Variants in HS3ST3A1 observed in about 807,000 individuals in gnomAD.
The protein encoded by HS3ST3A1 is heparan sulfate glucosamine 3-O-sulfotransferase 3A1.
In HS3ST3A1, 19 loss-of-function variants were observed where a neutral mutation model predicts 25.7. The ratio of observed to expected loss-of-function variants is 0.74; its 90% CI spans 0.52 to 1.08. The LOEUF (loss-of-function observed/expected upper bound fraction) is 1.08, where lower values mean the gene tolerates loss of function less well. Among genes scored for constraint, HS3ST3A1 ranks in the 50% least tolerant of loss-of-function variants. The probability of loss-of-function intolerance (pLI) is 0.00; values close to 1 mark genes in which losing one functional copy is unlikely to be tolerated. For synonymous variants in HS3ST3A1, 226 were observed against 278.6 expected, an observed-to-expected ratio of 0.81 and a Z score of 1.88; for missense variants, 459 against 594.3, an observed-to-expected ratio of 0.77 and a Z score of 2.37.
At position 13,535,793 on chromosome 17, in the gene HS3ST3A1, T is replaced by C. The variant is rs73978650; in HGVS notation, c.600-38975A>G. 3.7e-3 allele frequency among the ~76,000 whole-genome samples: 571 copies of C among 152,318 alleles called. 6 individuals carry two copies. Among genetic ancestry groups the C allele is most frequent in the African/African-American group, 0.013 (543 of 41,578 alleles). On this transcript the variant is annotated intron_variant, in intron 1 of 1. Coordinates refer to ENST00000284110, the MANE Select transcript of HS3ST3A1 (RefSeq NM_006042.3). ...AATATGTATAAGTCAGAAACACACC[T>C]GTTCATTGCAAAATGGCAAGTTGGT... is the stretch of plus-strand genomic sequence containing the variant.
Position 13,600,849 on chromosome 17 carries a change from G to A in HS3ST3A1, c.281C>T (p.Pro94Leu), listed in dbSNP as rs2142403642. ...GGGCGGCCGGCGCCTCCGCCACTGC[G>A]GCAGTTGCAGGAGGCGCTTTCTCTG... is the stretch of plus-strand genomic sequence containing the variant. ...AAQRKRLLQLPQWRRRRPPAP... is the reference protein window; with the variant it reads ...AAQRKRLLQLLQWRRRRPPAP... Residue 94 changes from proline (P) to leucine (L), a missense_variant, in exon 1 of 2, where the codon CCG (proline) becomes CTG (leucine). Physicochemically the swap from Pro to Leu is moderately conservative, Grantham distance 98. Coordinates refer to ENST00000284110, the MANE Select transcript of HS3ST3A1 (RefSeq NM_006042.3). 2 of 1,434,918 alleles carry A rather than the reference G, an allele frequency of 1.4e-6. No individual in the cohort carries two copies. Among genetic ancestry groups the A allele is most frequent in the Non-Finnish European group, 1.8e-6 (2 of 1,105,154 alleles). The allele number at this position is 1,434,918 out of a possible 1,614,324, so 88.9% of individuals were successfully genotyped here.
At chr17:13,569,801 T>C (rs1907758171) in intron 1 of HS3ST3A1, among the ~76,000 whole-genome samples, 1 of 152,230 alleles carries the variant, frequency 6.6e-6, no homozygotes, top group African/African-American at 2.4e-5. Context: ...GTCTGAAGAA[T>C]CTCAGTGCTA....
At chr17:13,534,754 A>C (rs1906718339) in intron 1 of HS3ST3A1, among the ~76,000 whole-genome samples, 1 of 151,762 alleles carries the variant, frequency 6.6e-6, no homozygotes, top group South Asian at 2.1e-4. Context: ...GGCAGGGTGC[A>C]GTGGCTCACA....
intron 1 of HS3ST3A1, among the ~76,000 whole-genome samples, chr17:13,519,615 C>T (rs76542481): frequency 0.013 from 1,982 of 152,262 alleles, 49 homozygotes; most frequent in African/African-American, 0.045. Context: ...CCAACTGCTA[C>T]ATGATCTATT....
intron 1 of HS3ST3A1, among the ~76,000 whole-genome samples, chr17:13,570,515 T>C (rs917499374): frequency 1.3e-4 from 20 of 152,244 alleles, no homozygotes; most frequent in African/African-American, 4.8e-4. Context: ...AAACAAACTC[T>C]GCTCTCTAGG....
chr17:13,574,928 C>T (rs1483396681), intron 1 of HS3ST3A1, among the ~76,000 whole-genome samples: 1 of 152,088 alleles, frequency 6.6e-6, no homozygotes, highest in Non-Finnish European at 1.5e-5. Flanking sequence ...TGCTTGAAGA[C>T]AAAATATCCC....
At chr17:13,502,772 T>TA (rs1905523039) in intron 1 of HS3ST3A1, among the ~76,000 whole-genome samples, 1 of 151,856 alleles carries the variant, frequency 6.6e-6, no homozygotes, top group South Asian at 2.1e-4. Flanking sequence ...CACCTGGAGA[T>TA]ACAAATATAA....
chr17:13,496,102 A>T lies in HS3ST3A1; in HGVS notation c.*95T>A. 1 of 1,341,120 alleles carries T rather than the reference A, an allele frequency of 7.5e-7. No individual in the cohort carries two copies. The highest frequency in any genetic ancestry group is 1.5e-5 in the African/African-American group (1 of 67,934). The allele number at this position is 1,341,120 out of a possible 1,614,324, so 83.1% of individuals were successfully genotyped here. A position where few individuals can be genotyped will look rare whatever the true frequency, so the allele number is the denominator to read the frequency against. ...CATTCATTGAAAAAAATACTGAAAC[A>T]TATTTTCAGCACAAATATTAAACTG... is the stretch of plus-strand genomic sequence containing the variant. On this transcript the variant is annotated 3_prime_UTR_variant, in exon 2 of 2. Transcript: ENST00000284110.
At chr17:13,501,187 C>T (rs1481984551) in intron 1 of HS3ST3A1, among the ~76,000 whole-genome samples, 5 of 151,846 alleles carry the variant, frequency 3.3e-5, no homozygotes, top group South Asian at 2.1e-4. Flanking sequence ...GGATCGATCA[C>T]GTAACAACGT....
intron 1 of HS3ST3A1, among the ~76,000 whole-genome samples, chr17:13,502,731 TCTGG>T (rs1478085205): frequency 6.6e-6 from 1 of 152,236 alleles, no homozygotes; most frequent in African/African-American, 2.4e-5. Flanking sequence ...GGCATTTGCC[TCTGG>T]CTATTTAGGA....
At chr17:13,545,131 C>T (rs1907047997) in intron 1 of HS3ST3A1, among the ~76,000 whole-genome samples, 1 of 152,230 alleles carries the variant, frequency 6.6e-6, no homozygotes, top group Non-Finnish European at 1.5e-5. Context: ...TAGCATTCCT[C>T]AGGCATGGAC....
intron 1 of HS3ST3A1, among the ~76,000 whole-genome samples, chr17:13,585,555 C>G (rs66524330): frequency 0.4 from 59,952 of 150,772 alleles, 14,092 homozygotes; most frequent in Admixed American, 0.54. Context: ...AAATTGTGGA[C>G]AGCAGTTCAC....
At chr17:13,592,856 C>G (rs978657315) in intron 1 of HS3ST3A1, among the ~76,000 whole-genome samples, 5 of 152,128 alleles carry the variant, frequency 3.3e-5, no homozygotes, top group African/African-American at 1.2e-4. Context: ...AGCACACCAC[C>G]TAGACAGGAA....
intron 1 of HS3ST3A1, among the ~76,000 whole-genome samples, chr17:13,598,095 G>C (rs1276693795): frequency 6.6e-6 from 1 of 152,000 alleles, no homozygotes; most frequent in East Asian, 1.9e-4. Context: ...ATTTATTTCT[G>C]TTCGTGTGTG....
chr17:13,549,310 A>G (rs191631853), intron 1 of HS3ST3A1, among the ~76,000 whole-genome samples: 2 of 152,300 alleles, frequency 1.3e-5, no homozygotes, highest in East Asian at 3.9e-4. Flanking sequence ...CATCCGAAGG[A>G]ACAAACTCTG....
chr17:13,578,066 C>T (rs1374846329), intron 1 of HS3ST3A1, among the ~76,000 whole-genome samples: 1 of 151,986 alleles, frequency 6.6e-6, no homozygotes, highest in African/African-American at 2.4e-5. Flanking sequence ...GAGAAGTTAT[C>T]ATAAGAAAAT....
intron 1 of HS3ST3A1, among the ~76,000 whole-genome samples, chr17:13,561,361 GC>G (rs1279678631): frequency 6.6e-6 from 1 of 151,252 alleles, no homozygotes; most frequent in Non-Finnish European, 1.5e-5. Flanking sequence ...GAGCATTCGA[GC>G]ATTCACCCTG....
At chr17:13,553,503 A>G (rs1907295261) in intron 1 of HS3ST3A1, among the ~76,000 whole-genome samples, 2 of 152,110 alleles carry the variant, frequency 1.3e-5, no homozygotes, top group South Asian at 2.1e-4. Flanking sequence ...GATCTTCTCT[A>G]CCCTTGATTT....
intron 1 of HS3ST3A1, among the ~76,000 whole-genome samples, chr17:13,542,245 T>G (rs1417447968): frequency 6.6e-6 from 1 of 150,876 alleles, no homozygotes; most frequent in African/African-American, 2.4e-5. Context: ...GAGAATCACT[T>G]GAACTCGGGA....
Sources: allele counts gnomAD v4.1 joint callset (sites outside exome capture counted in the v4.1 genomes callset), GRCh38; gene constraint gnomAD v4.1.1; transcripts MANE v1.5; gene names NCBI Gene and HGNC (gene_info 2026-07-23, HGNC 2026-07-21).